Variants in SGCZ observed in about 807,000 individuals in gnomAD.
SGCZ encodes sarcoglycan zeta.
SGCZ carries 40 observed loss-of-function variants against 41.3 expected under a neutral mutation model. That is an observed-to-expected ratio of 0.97 (90% CI 0.75 to 1.26). The LOEUF is 1.26. Ranked by LOEUF, SGCZ falls within the 50% of genes most tolerant of loss-of-function variation. The probability of loss-of-function intolerance (pLI) is 0.00; values close to 1 mark genes in which losing one functional copy is unlikely to be tolerated. For missense variants in SGCZ, 552 were observed against 369.8 expected, an observed-to-expected ratio of 1.49 and a Z score of -4.04; for synonymous variants, 206 against 137.5, an observed-to-expected ratio of 1.50 and a Z score of -3.49.
At chr8:14,937,236 G>A (rs973916993) in intron 1 of SGCZ, among the ~76,000 whole-genome samples, 1 of 151,146 alleles carries the variant, frequency 6.6e-6, no homozygotes, top group African/African-American at 2.4e-5. Context: ...GAATTAAAGA[G>A]ATAGTTATAT....
intron 5 of SGCZ, among the ~76,000 whole-genome samples, chr8:14,158,374 G>C (rs1803939100): frequency 6.6e-6 from 1 of 151,986 alleles, no homozygotes; most frequent in South Asian, 2.1e-4. Context: ...AGGTATCCGG[G>C]TAATGCGATC....
At chr8:15,172,190 T>C (rs1462690112) in intron 1 of SGCZ, among the ~76,000 whole-genome samples, 3 of 112,426 alleles carry the variant, frequency 2.7e-5, no homozygotes, top group Non-Finnish European at 3.4e-5. Context: ...GAGACGGAGT[T>C]TCGCTCTGTC....
chr8:14,605,676 A>G (rs911718974), intron 1 of SGCZ, among the ~76,000 whole-genome samples: 2 of 152,164 alleles, frequency 1.3e-5, no homozygotes, highest in Non-Finnish European at 2.9e-5. Flanking sequence ...CATGTTTACT[A>G]TGAAAGGGAA....
chr8:14,152,615 C>CA (rs904396210), intron 5 of SGCZ, among the ~76,000 whole-genome samples: 4 of 151,916 alleles, frequency 2.6e-5, no homozygotes, highest in Non-Finnish European at 5.9e-5. Context: ...AATCATTCTG[C>CA]AAAAAAAGTT....
chr8:14,691,172 A>G (rs572216853), intron 1 of SGCZ, among the ~76,000 whole-genome samples: 1 of 152,352 alleles, frequency 6.6e-6, no homozygotes, highest in South Asian at 2.1e-4. Context: ...TGATGAATGA[A>G]GTCTATCTAG....
intron 1 of SGCZ, among the ~76,000 whole-genome samples, chr8:14,582,763 G>GT (rs1483487176): frequency 2.7e-5 from 4 of 149,000 alleles, no homozygotes; most frequent in Admixed American, 2.0e-4. Context: ...GTGGTGTTTG[G>GT]TTTTTTGTCC....
At chr8:14,133,050 A>G (rs1803089786) in intron 5 of SGCZ, among the ~76,000 whole-genome samples, 1 of 152,192 alleles carries the variant, frequency 6.6e-6, no homozygotes, top group African/African-American at 2.4e-5. Context: ...GAATAAAAAA[A>G]CCACGTTTCT....
At chr8:15,214,244 T>C (rs1295543905) in intron 1 of SGCZ, among the ~76,000 whole-genome samples, 2 of 152,082 alleles carry the variant, frequency 1.3e-5, no homozygotes, top group Non-Finnish European at 2.9e-5. Context: ...AATTACAAAA[T>C]ACTGTCACGA....
intron 3 of SGCZ, among the ~76,000 whole-genome samples, chr8:14,297,766 T>G (rs779177409): frequency 5.3e-5 from 8 of 152,114 alleles, no homozygotes; most frequent in East Asian, 1.9e-4. Flanking sequence ...GAAAGCTCAG[T>G]TGGTAATTTA....
intron 1 of SGCZ, among the ~76,000 whole-genome samples, chr8:14,667,046 G>T (rs191400329): frequency 6.2e-4 from 95 of 152,146 alleles, no homozygotes; most frequent in Middle Eastern, 3.4e-3. Context: ...GAGACATATA[G>T]AGAGAGACAT....
At chr8:14,767,863 T>G (rs1800093212) in intron 1 of SGCZ, among the ~76,000 whole-genome samples, 1 of 152,174 alleles carries the variant, frequency 6.6e-6, no homozygotes, top group Non-Finnish European at 1.5e-5. Context: ...TCTTCCTCAC[T>G]GCTGAAATAG....
intron 3 of SGCZ, among the ~76,000 whole-genome samples, chr8:14,314,292 T>TC (rs1240339250): frequency 1.3e-5 from 2 of 152,000 alleles, no homozygotes; most frequent in Non-Finnish European, 2.9e-5. Flanking sequence ...TATTATTTTT[T>TC]TTCCCCACTC....
intron 1 of SGCZ, among the ~76,000 whole-genome samples, chr8:14,644,370 G>A (rs897544106): frequency 6.6e-6 from 1 of 151,796 alleles, no homozygotes; most frequent in Non-Finnish European, 1.5e-5. Context: ...AAATCCTGCT[G>A]ACCTTCCAGC....
intron 1 of SGCZ, among the ~76,000 whole-genome samples, chr8:14,823,045 C>A (rs953700383): frequency 3.8e-5 from 4 of 105,526 alleles, no homozygotes; most frequent in Non-Finnish European, 5.3e-5. Flanking sequence ...TGAAGCCACA[C>A]CAATCCTCAT....
chr8:14,823,082 T>A, intron 1 of SGCZ, among the ~76,000 whole-genome samples: 1 of 127,368 alleles, frequency 7.9e-6, no homozygotes, highest in Non-Finnish European at 1.6e-5. Flanking sequence ...AAAAAAGACT[T>A]CTGTGTAACT....
At chr8:14,941,144 C>T (rs1197752168) in intron 1 of SGCZ, among the ~76,000 whole-genome samples, 2 of 151,946 alleles carry the variant, frequency 1.3e-5, no homozygotes, top group East Asian at 1.9e-4. Context: ...AGGCACTCTT[C>T]TTGTTTGTGA....
chr8:14,188,593 G>A (rs866854078), intron 4 of SGCZ, among the ~76,000 whole-genome samples: 4 of 152,090 alleles, frequency 2.6e-5, no homozygotes, highest in Non-Finnish European at 5.9e-5. Context: ...TTCTTCTGGG[G>A]ATAATGGAAA....
intron 1 of SGCZ, among the ~76,000 whole-genome samples, chr8:14,843,284 T>A (rs1042743503): frequency 2.6e-5 from 4 of 152,064 alleles, no homozygotes; most frequent in African/African-American, 9.7e-5. Context: ...GGAAGTTAAG[T>A]CTTTTTTTTT....
At chr8:14,389,975 G>T (rs921774557) in intron 2 of SGCZ, among the ~76,000 whole-genome samples, 1 of 151,886 alleles carries the variant, frequency 6.6e-6, no homozygotes, top group South Asian at 2.1e-4. Context: ...GAAGACGGGG[G>T]ATTTTTGTAA....
Sources: gnomAD v4.1 joint callset for allele counts (sites outside exome capture counted in the v4.1 genomes callset) on GRCh38, gnomAD v4.1.1 for gene constraint, MANE v1.5 for transcripts, NCBI Gene and HGNC (gene_info 2026-07-23, HGNC 2026-07-21) for gene names.